The following GRIA1 variants were observed in gnomAD, a reference collection of about 807,000 sequenced individuals.
GRIA1 encodes glutamate ionotropic receptor AMPA type subunit 1.
A neutral mutation model predicts 99.2 loss-of-function variants in GRIA1; 31 were observed. The observed-to-expected ratio is 0.31, with a 90% CI of 0.23 to 0.42. The LOEUF (loss-of-function observed/expected upper bound fraction) is 0.42, where lower values mean the gene tolerates loss of function less well. GRIA1 is among the 10% of genes least tolerant of loss of function. The pLI, the probability that GRIA1 is intolerant of heterozygous loss-of-function variation, is 1.00. For synonymous variants in GRIA1, 438 were observed against 432.4 expected (o/e 1.01, Z -0.16); for missense variants, 782 against 1,157.5 (o/e 0.68, Z 4.71).
At chr5:153,594,489 T>C (rs541232587) in intron 2 of GRIA1, among the ~76,000 whole-genome samples, 11 of 152,304 alleles carry the variant, frequency 7.2e-5, no homozygotes, top group African/African-American at 2.6e-4. Flanking sequence ...CTTTTTGATT[T>C]TTCCTTCATT....
In GRIA1 at chr5:153,811,080, T is replaced by A. The variant is rs1258430544; in HGVS notation, c.2576T>A (p.Leu859His). The A allele has an allele frequency of 1.2e-6, 2 of 1,613,876 alleles. No homozygotes were observed. Among genetic ancestry groups the A allele is most frequent in the Admixed American group, 3.3e-5 (2 of 60,024 alleles). The change falls in exon 16 of 16, where the codon CTC becomes CAC. Residue 859 changes from leucine (L) to histidine (H), a missense_variant. This residue lies in a region of GRIA1 where 76 missense variants were observed against 81.2 expected (regional missense o/e 0.94). Transcript: ENST00000285900. ...SINEAIRTST[L>H]PRNSGAGASS... is the part of the protein sequence containing the mutation. ...AACGAAGCCATACGGACATCGACCC[T>A]CCCCCGCAACAGCGGGGCAGGAGCC...
intron 2 of GRIA1, among the ~76,000 whole-genome samples, chr5:153,611,155 G>A (rs141815638): frequency 5.3e-5 from 8 of 152,278 alleles, no homozygotes; most frequent in South Asian, 4.1e-4. Flanking sequence ...TTGCCACTAC[G>A]TATAATATGC....
chr5:153,799,557 A>G (rs752168133), intron 14 of GRIA1, among the ~76,000 whole-genome samples: 2 of 152,192 alleles, frequency 1.3e-5, no homozygotes, highest in Non-Finnish European at 2.9e-5. Context: ...CCTATTAAAT[A>G]AATCTGAATT....
chr5:153,549,976 A>G (rs1397087432), intron 2 of GRIA1, among the ~76,000 whole-genome samples: 1 of 152,180 alleles, frequency 6.6e-6, no homozygotes, highest in African/African-American at 2.4e-5. Context: ...TCGGTATGAA[A>G]TTGGATCATC....
chr5:153,568,368 A>G (rs770117936), intron 2 of GRIA1, among the ~76,000 whole-genome samples: 6 of 152,214 alleles, frequency 3.9e-5, no homozygotes, highest in African/African-American at 7.2e-5. Context: ...TCTCAGGCCC[A>G]CCTCAAACCT....
At chr5:153,521,293 A>T (rs1757121638) in intron 2 of GRIA1, among the ~76,000 whole-genome samples, 1 of 152,256 alleles carries the variant, frequency 6.6e-6, no homozygotes, top group Admixed American at 6.5e-5. Context: ...TATGCAGAGT[A>T]ACACATGCCA....
intron 2 of GRIA1, among the ~76,000 whole-genome samples, chr5:153,542,061 C>A (rs571333274): frequency 2.6e-5 from 4 of 151,998 alleles, no homozygotes; most frequent in African/African-American, 9.7e-5. Flanking sequence ...TTCTCTTCAT[C>A]CCAATCTGCT....
intron 2 of GRIA1, among the ~76,000 whole-genome samples, chr5:153,607,042 G>GATATATATATATATATATAT (rs59233877): frequency 6.7e-4 from 86 of 127,740 alleles, no homozygotes; most frequent in South Asian, 1.3e-3. Flanking sequence ...TATCACAAAA[G>GATATATATATATATATATAT]ATATATATAT....
At chr5:153,630,454 A>G (rs1752864073) in intron 2 of GRIA1, among the ~76,000 whole-genome samples, 1 of 152,174 alleles carries the variant, frequency 6.6e-6, no homozygotes, top group South Asian at 2.1e-4. Flanking sequence ...GGACCCAAGA[A>G]AGCTACTTTC....
At chr5:153,777,259 G>A (rs1764315297) in intron 13 of GRIA1, among the ~76,000 whole-genome samples, 1 of 152,130 alleles carries the variant, frequency 6.6e-6, no homozygotes, top group Middle Eastern at 3.2e-3. Flanking sequence ...ATGTGCTAGT[G>A]GTCTGAGGAG....
intron 13 of GRIA1, among the ~76,000 whole-genome samples, chr5:153,794,322 A>G (rs1765498185): frequency 6.6e-6 from 1 of 152,240 alleles, no homozygotes. Context: ...AAGAAAGAAA[A>G]AGAAATCTAT....
intron 2 of GRIA1, among the ~76,000 whole-genome samples, chr5:153,513,861 T>C (rs543048726): frequency 2.6e-5 from 4 of 152,252 alleles, no homozygotes; most frequent in African/African-American, 7.2e-5. Flanking sequence ...TCAAATGGGG[T>C]TAATAACAAT....
chr5:153,804,300 A>G (rs1192644610), intron 15 of GRIA1, among the ~76,000 whole-genome samples: 2 of 152,058 alleles, frequency 1.3e-5, no homozygotes, highest in Non-Finnish European at 2.9e-5. Flanking sequence ...CAGACTCTAA[A>G]CCCAATGTAG....
At chr5:153,494,798 C>G (rs986692493) in intron 2 of GRIA1, among the ~76,000 whole-genome samples, 5 of 152,190 alleles carry the variant, frequency 3.3e-5, no homozygotes, top group Non-Finnish European at 7.4e-5. Flanking sequence ...CTTTTCATGA[C>G]AGATGAAAGC....
intron 2 of GRIA1, among the ~76,000 whole-genome samples, chr5:153,598,617 CCCTTAACTGCCTT>C (rs1764623744): frequency 6.6e-6 from 1 of 152,112 alleles, no homozygotes; most frequent in Admixed American, 6.6e-5. Context: ...TTATTAGCCT[CCCTTAACTGCCTT>C]CCTTAACTGC....
chr5:153,581,031 T>A (rs1178148098), intron 2 of GRIA1, among the ~76,000 whole-genome samples: 1 of 152,204 alleles, frequency 6.6e-6, no homozygotes, highest in African/African-American at 2.4e-5. Flanking sequence ...AGTTTATGCA[T>A]TTCATAGGAA....
chr5:153,703,751 G>C (rs550589319), intron 10 of GRIA1, among the ~76,000 whole-genome samples: 1 of 152,164 alleles, frequency 6.6e-6, no homozygotes, highest in Non-Finnish European at 1.5e-5. Context: ...AAAAGAAAAG[G>C]CAATATGGAT....
Position 153,712,060 on chromosome 5 carries a change from A to T in GRIA1, c.1823+5993A>T, listed in dbSNP as rs182597809. Among the ~76,000 whole-genome samples the T allele has an allele frequency of 4.9e-3, 743 of 151,690 alleles. 2 individuals are homozygous for T. Among genetic ancestry groups the T allele is most frequent in the Middle Eastern group, 0.01 (3 of 294 alleles). The stretch of plus-strand genomic sequence containing the variant: ...CCTCCACTAATTTATTTATTTATTT[A>T]TTTTTTCCAAGACCGAGTCTTGCTC... On this transcript the variant is annotated intron_variant, in intron 11 of 15. Coordinates refer to ENST00000285900, the MANE Select transcript of GRIA1 (RefSeq NM_000827.4).
intron 11 of GRIA1, among the ~76,000 whole-genome samples, chr5:153,723,862 G>T (rs1233933401): frequency 6.6e-6 from 1 of 152,122 alleles, no homozygotes; most frequent in East Asian, 1.9e-4. Context: ...AGACTTAAAT[G>T]TCCCTGTCTG....
Sources: allele counts gnomAD v4.1 joint callset (sites outside exome capture counted in the v4.1 genomes callset), GRCh38; gene constraint gnomAD v4.1.1; regional missense constraint gnomAD v4.1.1; transcripts MANE v1.5; gene names NCBI Gene and HGNC (gene_info 2026-07-23, HGNC 2026-07-21).